MLIP: variants seen among roughly 807,000 people sequenced by gnomAD.
MLIP encodes muscular LMNA-interacting protein.
MLIP carries 79 observed loss-of-function variants against 84.8 expected under a neutral mutation model. The ratio of observed to expected loss-of-function variants is 0.93; its 90% CI spans 0.78 to 1.12. MLIP has a LOEUF of 1.12. Among genes scored for constraint, MLIP ranks in the 50% most tolerant of loss-of-function variants. The pLI is 0.00. For missense variants in MLIP, 1,257 were observed against 1,160.6 expected (o/e 1.08, Z -1.21); for synonymous variants, 504 against 463.0 (o/e 1.09, Z -1.14).
At chr6:54,242,384 A>G (rs570039151) in intron 12 of MLIP, among the ~76,000 whole-genome samples, 1 of 152,306 alleles carries the variant, frequency 6.6e-6, no homozygotes, top group East Asian at 1.9e-4. Flanking sequence ...GAGCATGTAA[A>G]TTGGTATTAT....
intron 9 of MLIP, among the ~76,000 whole-genome samples, chr6:54,174,269 G>A (rs1267812784): frequency 6.6e-6 from 1 of 151,850 alleles, no homozygotes; most frequent in East Asian, 1.9e-4. Context: ...TGAAATTGTT[G>A]GATCATACAT....
At chr6:54,204,795 C>T (rs962635598) in intron 11 of MLIP, among the ~76,000 whole-genome samples, 2 of 152,202 alleles carry the variant, frequency 1.3e-5, no homozygotes, top group Admixed American at 6.5e-5. Flanking sequence ...TTTCTAAATA[C>T]TTGGCTGAAA....
At chr6:54,167,797 A>T (rs1775346303) in intron 8 of MLIP, among the ~76,000 whole-genome samples, 1 of 151,876 alleles carries the variant, frequency 6.6e-6, no homozygotes, top group Admixed American at 6.6e-5. Context: ...CTAGACAGTC[A>T]TCTTCAGATG....
Position 54,137,341 on chromosome 6 carries a change from C to T in MLIP, c.1272C>T (p.Asn424=), listed in dbSNP as rs1032135228. The T allele has an allele frequency of 1.3e-6, 2 of 1,536,072 alleles. No individual in the cohort carries two copies. Among genetic ancestry groups the T allele is most frequent in the Admixed American group, 3.9e-5 (2 of 50,976 alleles). The part of the protein sequence containing the change: ...LALLTAILKS[N]PSHQRPFSPA... Reference sequence around the variant, plus strand: ...TTCTCACTGCCATTCTCAAGTCAAACCCTTCCCACCAAAGACCCTTTTCCC... The same window carrying T: ...TTCTCACTGCCATTCTCAAGTCAAATCCTTCCCACCAAAGACCCTTTTCCC... The change falls in exon 4 of 14, where the codon AAC becomes AAT. Residue 424 remains asparagine, a synonymous_variant. Coordinates refer to ENST00000502396, the MANE Select transcript of MLIP (RefSeq NM_001281747.2).
intron 9 of MLIP, among the ~76,000 whole-genome samples, chr6:54,171,636 A>G (rs1041867017): frequency 4.6e-5 from 7 of 151,548 alleles, no homozygotes; most frequent in Non-Finnish European, 7.4e-5. Context: ...CACTTTAGCT[A>G]TAAGCTTTGG....
chr6:54,223,433 G>T (rs1390244806), intron 11 of MLIP, among the ~76,000 whole-genome samples: 2 of 151,914 alleles, frequency 1.3e-5, no homozygotes, highest in Non-Finnish European at 1.5e-5. Flanking sequence ...TTTGTATATT[G>T]TGTGAAATAA....
intron 4 of MLIP, among the ~76,000 whole-genome samples, chr6:54,141,865 C>A (rs1341693040): frequency 1.3e-5 from 2 of 152,210 alleles, no homozygotes; most frequent in African/African-American, 4.8e-5. Flanking sequence ...TAAAGACTCT[C>A]CATTCATGGG....
chr6:54,150,510 G>T (rs2150526835), intron 5 of MLIP, among the ~76,000 whole-genome samples: 1 of 152,256 alleles, frequency 6.6e-6, no homozygotes, highest in South Asian at 2.1e-4. Context: ...CTGGAACCTG[G>T]TCACAAGTGT....
intron 4 of MLIP, among the ~76,000 whole-genome samples, chr6:54,138,541 C>A (rs1772029082): frequency 6.6e-6 from 1 of 152,074 alleles, no homozygotes; most frequent in Non-Finnish European, 1.5e-5. Flanking sequence ...ATATCTATGA[C>A]TCCAAGGGTA....
intron 8 of MLIP, among the ~76,000 whole-genome samples, chr6:54,163,890 T>A (rs552678455): frequency 1.3e-5 from 2 of 151,892 alleles, no homozygotes; most frequent in Admixed American, 1.3e-4. Flanking sequence ...CTGTTCATGA[T>A]AACATCTTTA....
intron 11 of MLIP, among the ~76,000 whole-genome samples, chr6:54,223,902 C>A (rs903237842): frequency 1.3e-5 from 2 of 151,404 alleles, no homozygotes; most frequent in African/African-American, 4.9e-5. Context: ...TCTATTAGAA[C>A]TGATAAGATA....
chr6:54,098,889 C>T (rs1245740831), intron 1 of MLIP, among the ~76,000 whole-genome samples: 1 of 152,092 alleles, frequency 6.6e-6, no homozygotes, highest in Non-Finnish European at 1.5e-5. Context: ...AAAATCGAGG[C>T]AGTGAGAGAG....
At chr6:54,074,817 A>T (rs1256358195) in intron 1 of MLIP, among the ~76,000 whole-genome samples, 1 of 152,154 alleles carries the variant, frequency 6.6e-6, no homozygotes, top group East Asian at 1.9e-4. Flanking sequence ...TCTGTGAGGG[A>T]TTAGAAACAC....
rs575122804 is a variant in MLIP, at chr6:54,062,548, A to G, written c.63+43457A>G. On this transcript the variant is annotated intron_variant, in intron 1 of 12. Coordinates refer to the MLIP transcript ENST00000274897. ...TGAACTCTTTGCTATAATCTGATTT[A>G]CTCGCCTTCCATAAAGTGGGGCCCT... 1.2e-3 allele frequency among the ~76,000 whole-genome samples: 176 copies of G among 152,178 alleles called. 1 individual carries two copies. The highest frequency in any genetic ancestry group is 5.9e-5 in the Non-Finnish European group (4 of 68,006).
At position 54,160,845 on chromosome 6, in the gene MLIP, G is replaced by A. The variant is rs762543706; in HGVS notation, c.2499+46G>A. On this transcript the variant is annotated intron_variant, in intron 8 of 13. Transcript: ENST00000502396. ...ATTTATGGAACCATAAGATTTATTA[G>A]ATCAATGATTTCCAAACTGCAAGTC... is the stretch of plus-strand genomic sequence containing the variant. 2.7e-6 allele frequency: 4 copies of A among 1,506,528 alleles called. No homozygotes were observed. The East Asian group carries it at 9.1e-5, about 34-fold the overall frequency. The allele number at this position is 1,506,528 out of a possible 1,614,324, so 93.3% of individuals were successfully genotyped here.
chr6:54,227,411 A>G (rs1317993012), intron 11 of MLIP, among the ~76,000 whole-genome samples: 4 of 152,204 alleles, frequency 2.6e-5, no homozygotes, highest in African/African-American at 9.6e-5. Flanking sequence ...CCAGAAAGAG[A>G]AGAGAGAAGA....
At chr6:54,141,218 A>G (rs975843863) in intron 4 of MLIP, among the ~76,000 whole-genome samples, 5 of 151,926 alleles carry the variant, frequency 3.3e-5, no homozygotes, top group African/African-American at 1.2e-4. Context: ...TATAATTGCT[A>G]TGATATGTTA....
intron 1 of MLIP, among the ~76,000 whole-genome samples, chr6:54,091,500 A>G (rs1479537432): frequency 1.3e-5 from 2 of 152,196 alleles, no homozygotes; most frequent in Non-Finnish European, 2.9e-5. Flanking sequence ...ATGGTAAGTG[A>G]GAAAATTATA....
chr6:54,173,103 A>ACCG lies in MLIP; in HGVS notation c.2544+3531_2544+3532insCCG, dbSNP rs1775936205. On this transcript the variant is annotated intron_variant, in intron 9 of 13. Coordinates refer to ENST00000502396, the MANE Select transcript of MLIP (RefSeq NM_001281747.2). ...ATTTTGAGCTCTTACCTTGAAAATA[A>ACCG]AGCTTGGCTATCTCATTTAAACCAT... 2.0e-5 allele frequency among the ~76,000 whole-genome samples: 3 copies of ACCG among 151,620 alleles called. No homozygotes were observed. In the South Asian group the frequency reaches 6.2e-4, roughly 31 times the overall value.
Sources: allele counts gnomAD v4.1 joint callset (sites outside exome capture counted in the v4.1 genomes callset), GRCh38; gene constraint gnomAD v4.1.1; transcripts MANE v1.5; gene names NCBI Gene and HGNC (gene_info 2026-07-23, HGNC 2026-07-21).